Variants in MCU observed in about 807,000 individuals in gnomAD.
MCU encodes calcium uniporter protein, mitochondrial.
MCU carries 12 observed loss-of-function variants against 45.2 expected under a neutral mutation model. The observed-to-expected ratio is 0.27, with a 90% CI of 0.17 to 0.43. MCU has a LOEUF of 0.43. Ranked by LOEUF, MCU falls within the 20% of genes least tolerant of loss-of-function variation. MCU has a pLI of 1.00. For synonymous variants in MCU, 160 were observed against 165.1 expected (o/e 0.97, Z 0.24); for missense variants, 324 against 436.7 (o/e 0.74, Z 2.30).
intron 2 of MCU, among the ~76,000 whole-genome samples, chr10:72,850,213 T>C (rs1173632937): frequency 6.6e-6 from 1 of 152,194 alleles, no homozygotes; most frequent in Non-Finnish European, 1.5e-5. Flanking sequence ...TATTCTTAGC[T>C]GCAAAAGAAG....
chr10:72,820,932 G>T (rs1005273890), intron 1 of MCU, among the ~76,000 whole-genome samples: 1 of 151,250 alleles, frequency 6.6e-6, no homozygotes, highest in African/African-American at 2.4e-5. Context: ...TTTTCCCCAA[G>T]TGGTGACATG....
At chr10:72,768,708 CA>C (rs1381830470) in intron 1 of MCU, among the ~76,000 whole-genome samples, 1 of 152,086 alleles carries the variant, frequency 6.6e-6, no homozygotes, top group African/African-American at 2.4e-5. Flanking sequence ...AGAAAAATTA[CA>C]GTTAAGATGA....
chr10:72,744,112 A>G (rs963678416), intron 1 of MCU, among the ~76,000 whole-genome samples: 3 of 150,176 alleles, frequency 2.0e-5, no homozygotes, highest in Non-Finnish European at 3.0e-5. Context: ...CTTTTATCCC[A>G]CTCTTAATAT....
chr10:72,741,083 T>C (rs948757169), intron 1 of MCU, among the ~76,000 whole-genome samples: 9 of 149,884 alleles, frequency 6.0e-5, no homozygotes, highest in African/African-American at 2.2e-4. Context: ...CTTGAGAGAA[T>C]AGCGTTTTCT....
At chr10:72,732,346 A>C (rs73286723) in intron 1 of MCU, among the ~76,000 whole-genome samples, 16,874 of 152,134 alleles carry the variant, frequency 0.11, 3,125 homozygotes, top group African/African-American at 0.38. Context: ...TCATTTAGTT[A>C]ATCTATTTGA....
chr10:72,706,781 C>T (rs576888106), intron 1 of MCU, among the ~76,000 whole-genome samples: 21 of 149,388 alleles, frequency 1.4e-4, no homozygotes, highest in East Asian at 2.0e-4. Flanking sequence ...ACGATCTGCC[C>T]GCCTTGGCCT....
intron 1 of MCU, among the ~76,000 whole-genome samples, chr10:72,693,882 AT>A (rs2132639668): frequency 6.6e-6 from 1 of 152,292 alleles, no homozygotes; most frequent in Non-Finnish European, 1.5e-5. Context: ...TTAAGTCCAT[AT>A]TTTGATAAGA....
intron 1 of MCU, among the ~76,000 whole-genome samples, chr10:72,826,584 A>G (rs188710311): frequency 6.6e-6 from 1 of 152,340 alleles, no homozygotes. Context: ...GAAAAGAACC[A>G]TTGCCAAACT....
In MCU at chr10:72,692,199, G is replaced by C. The variant is rs897192796; in HGVS notation, c.48G>C (p.Arg16=). 2 of 1,262,238 alleles carry C rather than the reference G, an allele frequency of 1.6e-6. No homozygotes were observed. Among genetic ancestry groups the C allele is most frequent in the Non-Finnish European group, 2.0e-6 (2 of 997,174 alleles). The allele number at this position is 1,262,238 out of a possible 1,614,324, so 78.2% of individuals were successfully genotyped here. A position where few individuals can be genotyped will look rare whatever the true frequency, so the allele number is the denominator to read the frequency against. ...CGCTCCTGCTGCTCCTCTCCTCTCG[G>C]GGCGGCGGCGGCGGGGGCGCCGGCG... is the stretch of plus-strand genomic sequence containing the variant. ...GRSLLLLLSS[R]GGGGGGAGGC... Residue 16 remains arginine, a synonymous_variant, in exon 1 of 8, where the codon CGG becomes CGC. Transcript: ENST00000373053.
Position 72,859,301 on chromosome 10 carries a change from G to T in MCU, c.345G>T (p.Leu115=). The T allele has an allele frequency of 2.5e-6, 4 of 1,613,742 alleles. No homozygotes were observed. The South Asian group carries it at 4.4e-5, about 18-fold the overall frequency. The stretch of plus-strand genomic sequence containing the variant: ...CTGTTGGTGTATTTTTACGACAACT[G>T]CAAGAAGAGGATCGGGGAATTGACA... The part of the protein sequence containing the change: ...SDSVGVFLRQ[L]QEEDRGIDRV... The change falls in exon 3 of 8, where the codon CTG becomes CTT. Residue 115 remains leucine (L), a synonymous_variant. Coordinates refer to ENST00000373053, the MANE Select transcript of MCU (RefSeq NM_138357.3).
chr10:72,809,934 A>G (rs1844512053), intron 1 of MCU, among the ~76,000 whole-genome samples: 1 of 152,146 alleles, frequency 6.6e-6, no homozygotes, highest in African/African-American at 2.4e-5. Flanking sequence ...TGTTTCCAAG[A>G]AGGCATAATA....
chr10:72,767,692 A>G (rs917568293), intron 1 of MCU, among the ~76,000 whole-genome samples: 1 of 152,082 alleles, frequency 6.6e-6, no homozygotes, highest in African/African-American at 2.4e-5. Flanking sequence ...TGATGAATTT[A>G]TAAGGGACAG....
intron 4 of MCU, among the ~76,000 whole-genome samples, chr10:72,865,922 G>A (rs1409224308): frequency 2.0e-5 from 3 of 151,606 alleles, no homozygotes; most frequent in Admixed American, 6.6e-5. Context: ...GACTACAGGC[G>A]CCTGCCACCA....
At chr10:72,836,806 A>G (rs1844962219) in intron 2 of MCU, among the ~76,000 whole-genome samples, 1 of 152,168 alleles carries the variant, frequency 6.6e-6, no homozygotes. Context: ...TATCTTTCTA[A>G]TTTTGTACTT....
rs78319854 is a variant in MCU at position 72,723,606 on chromosome 10, A to T, written c.150+31305A>T. Among the ~76,000 whole-genome samples the T allele has an allele frequency of 6.6e-3, 1,010 of 152,306 alleles. 16 individuals are homozygous for T. The highest frequency in any genetic ancestry group is 0.023 in the African/African-American group (969 of 41,580). On this transcript the variant is annotated intron_variant, in intron 1 of 7. Transcript: ENST00000373053. Reference sequence around the variant, plus strand: ...CGAAGATGACTCAAAGAAGAAAAAAACCCATGTAACTATATTTTGCTTTTT... The same window carrying T: ...CGAAGATGACTCAAAGAAGAAAAAATCCCATGTAACTATATTTTGCTTTTT...
chr10:72,822,943 A>G (rs1216849495), intron 1 of MCU, among the ~76,000 whole-genome samples: 1 of 152,224 alleles, frequency 6.6e-6, no homozygotes, highest in African/African-American at 2.4e-5. Flanking sequence ...TACTTTATAT[A>G]AATACTCGTA....
At chr10:72,708,215 A>G (rs1842847956) in intron 1 of MCU, 1 of 152,092 alleles carries the variant, frequency 6.6e-6, no homozygotes, top group African/African-American at 2.4e-5. Context: ...TTCCCCTTAA[A>G]CAGTTCATTA....
intron 1 of MCU, among the ~76,000 whole-genome samples, chr10:72,788,029 C>A (rs1844101939): frequency 6.6e-6 from 1 of 152,094 alleles, no homozygotes; most frequent in South Asian, 2.1e-4. Context: ...GAATTAGTTA[C>A]TGTCTTCACA....
intron 1 of MCU, among the ~76,000 whole-genome samples, chr10:72,743,412 CAAAAAAAAAAA>C (rs374429962): frequency 1.3e-5 from 1 of 74,426 alleles, no homozygotes; most frequent in African/African-American, 5.7e-5. Context: ...TACTCCATCT[CAAAAAAAAAAA>C]AAAAAAAAAG....
Sources: gnomAD v4.1 joint callset for allele counts (sites outside exome capture counted in the v4.1 genomes callset) on GRCh38, gnomAD v4.1.1 for gene constraint, MANE v1.5 for transcripts, NCBI Gene and HGNC (gene_info 2026-07-23, HGNC 2026-07-21) for gene names.